Variants in NUDCD3 observed in about 807,000 individuals in gnomAD.
The protein encoded by NUDCD3 is NudC domain containing 3, also known as nudC domain-containing protein 3.
NUDCD3 carries 13 observed loss-of-function variants against 39.7 expected under a neutral mutation model. The ratio of observed to expected loss-of-function variants is 0.33; its 90% CI spans 0.21 to 0.52. NUDCD3 has a LOEUF of 0.52. NUDCD3 is among the 20% of genes least tolerant of loss of function. The probability of loss-of-function intolerance (pLI) is 0.96; values close to 1 mark genes in which losing one functional copy is unlikely to be tolerated. For synonymous variants in NUDCD3, 175 were observed against 172.4 expected (o/e 1.02, Z -0.12); for missense variants, 453 against 458.1 (o/e 0.99, Z 0.10).
intron 1 of NUDCD3, 154 bp downstream of exon 1, chr7:44,490,255 C>T: frequency 1.4e-6 from 1 of 712,420 alleles, no homozygotes; most frequent in Non-Finnish European, 2.2e-6. Context: ...ACATCCAATC[C>T]GCGCTTCAAA....
chr7:44,488,037 T>C (rs982207265), intron 1 of NUDCD3, among the ~76,000 whole-genome samples: 3 of 151,594 alleles, frequency 2.0e-5, no homozygotes, highest in Admixed American at 6.6e-5. Context: ...CAGGAATATG[T>C]GCTTTTAAAA....
Position 44,384,407 on chromosome 7 carries a change from T to C in NUDCD3, c.*1604A>G, listed in dbSNP as rs1482309899. On this transcript the variant is annotated 3_prime_UTR_variant, in exon 6 of 6. Coordinates refer to ENST00000355451, the MANE Select transcript of NUDCD3 (RefSeq NM_015332.4). The stretch of plus-strand genomic sequence containing the variant: ...CTTTAGAGGGGCTTCACCAGCTCAG[T>C]GGCAAATATCAGACAACAAGACTCT... The C allele has an allele frequency of 2.6e-5, 4 of 152,252 alleles. No individual in the cohort carries two copies. The highest frequency in any genetic ancestry group is 9.7e-5 in the African/African-American group (4 of 41,444). 9.4% of individuals were successfully genotyped at this position (152,252 alleles called of 1,614,324 possible).
chr7:44,490,633 A>G lies in NUDCD3; in HGVS notation c.-33T>C, dbSNP rs1800723191. ...CCCGCCCTAGGTACGCTTCACACAC[A>G]CAGCGCCGCCTCAGACCTGCCGACT... On this transcript the variant is annotated 5_prime_UTR_variant, in exon 1 of 6. Coordinates refer to ENST00000355451, the MANE Select transcript of NUDCD3 (RefSeq NM_015332.4). 1 of 1,564,804 alleles carries G rather than the reference A, an allele frequency of 6.4e-7. No homozygotes were observed. The highest frequency in any genetic ancestry group is 8.6e-7 in the Non-Finnish European group (1 of 1,156,414).
chr7:44,468,346 C>G, intron 2 of NUDCD3: 1 of 415,128 alleles, frequency 2.4e-6, no homozygotes, highest in Non-Finnish European at 3.6e-6. Context: ...AATGTAAAAA[C>G]TGCAAAAAAA....
chr7:44,461,310 G>A (rs537966496), intron 2 of NUDCD3, among the ~76,000 whole-genome samples: 14 of 152,292 alleles, frequency 9.2e-5, no homozygotes, highest in Admixed American at 5.2e-4. Context: ...TAAACTGTGA[G>A]CCCCTTGAGC....
intron 2 of NUDCD3, among the ~76,000 whole-genome samples, chr7:44,454,729 C>T (rs1400423177): frequency 6.6e-6 from 1 of 152,166 alleles, no homozygotes; most frequent in East Asian, 1.9e-4. Context: ...GAGTTCAAAA[C>T]CAGCCTGGGC....
intron 2 of NUDCD3, among the ~76,000 whole-genome samples, chr7:44,456,165 G>A (rs952165253): frequency 6.6e-5 from 10 of 151,054 alleles, no homozygotes; most frequent in Non-Finnish European, 1.0e-4. Flanking sequence ...GAACATAGCC[G>A]AGGAAGTCAT....
In NUDCD3 at chr7:44,384,124, G is replaced by A. The variant is rs950852288; in HGVS notation, c.*1887C>T. The A allele has an allele frequency of 6.6e-6, 1 of 152,220 alleles. No homozygotes were observed. Among genetic ancestry groups the A allele is most frequent in the Non-Finnish European group, 1.5e-5 (1 of 68,052 alleles). 9.4% of individuals were successfully genotyped at this position (152,220 alleles called of 1,614,324 possible). A position where few individuals can be genotyped will look rare whatever the true frequency, so the allele number is the denominator to read the frequency against. On this transcript the variant is annotated 3_prime_UTR_variant, in exon 6 of 6. Coordinates refer to ENST00000355451, the MANE Select transcript of NUDCD3 (RefSeq NM_015332.4). ...AAAGTCTCCCAAATAACAAGGTGTA[G>A]GGCATCTCACACCACTGCATCACTT...
At chr7:44,480,720 T>A (rs1316975218) in intron 2 of NUDCD3, among the ~76,000 whole-genome samples, 1 of 151,948 alleles carries the variant, frequency 6.6e-6, no homozygotes, top group East Asian at 1.9e-4. Context: ...GGCGAGTGGA[T>A]CACTTGAGCT....
chr7:44,436,322 A>C (rs1390621025), intron 2 of NUDCD3, among the ~76,000 whole-genome samples: 1 of 152,202 alleles, frequency 6.6e-6, no homozygotes, highest in African/African-American at 2.4e-5. Flanking sequence ...AGATGAAACA[A>C]CAACCATGTC....
intron 2 of NUDCD3, among the ~76,000 whole-genome samples, chr7:44,463,685 A>T (rs1255648218): frequency 6.6e-6 from 1 of 152,166 alleles, no homozygotes; most frequent in East Asian, 1.9e-4. Context: ...AAAAACTGGA[A>T]TCACTAAATT....
intron 1 of NUDCD3, 175 bp downstream of exon 1, chr7:44,490,233 CG>C (rs1195140109): frequency 3.2e-6 from 2 of 632,656 alleles, no homozygotes; most frequent in African/African-American, 1.9e-5. Context: ...AACACCTCAG[CG>C]GAATAAGCTG....
At chr7:44,444,882 A>G (rs573557786) in intron 2 of NUDCD3, among the ~76,000 whole-genome samples, 1 of 152,296 alleles carries the variant, frequency 6.6e-6, no homozygotes, top group South Asian at 2.1e-4. Context: ...TCCCAGCGAA[A>G]CATCTTGAGT....
At chr7:44,443,946 T>C (rs1251157727) in intron 2 of NUDCD3, among the ~76,000 whole-genome samples, 1 of 152,246 alleles carries the variant, frequency 6.6e-6, no homozygotes, top group African/African-American at 2.4e-5. Context: ...AGCAAAAATG[T>C]ACAACTGGAA....
intron 3 of NUDCD3, among the ~76,000 whole-genome samples, chr7:44,409,906 C>T (rs550439393): frequency 8.8e-4 from 134 of 152,032 alleles, no homozygotes; most frequent in Non-Finnish European, 1.5e-3. Flanking sequence ...GATAAGCGTT[C>T]ATGAAAGGGG....
intron 4 of NUDCD3, among the ~76,000 whole-genome samples, chr7:44,396,898 C>CT (rs1798635841): frequency 6.6e-6 from 1 of 152,148 alleles, no homozygotes; most frequent in Non-Finnish European, 1.5e-5. Flanking sequence ...TCAAAGACCT[C>CT]TATCTAAAAA....
chr7:44,489,219 G>A (rs969013439), intron 1 of NUDCD3, among the ~76,000 whole-genome samples: 1 of 152,204 alleles, frequency 6.6e-6, no homozygotes, highest in Admixed American at 6.5e-5. Context: ...CAAATGGCAA[G>A]ACTTCATTAA....
intron 2 of NUDCD3, among the ~76,000 whole-genome samples, chr7:44,484,187 G>A (rs1472894468): frequency 1.3e-5 from 2 of 152,208 alleles, no homozygotes; most frequent in Non-Finnish European, 2.9e-5. Context: ...AGGCCAGGAG[G>A]CTCGTGGCTG....
intron 2 of NUDCD3, among the ~76,000 whole-genome samples, chr7:44,448,774 CAGAA>C (rs1432514769): frequency 6.6e-6 from 1 of 151,936 alleles, no homozygotes; most frequent in African/African-American, 2.4e-5. Context: ...CAAAAGAATA[CAGAA>C]AGAGAGAGAG....
Sources: gnomAD v4.1 joint callset for allele counts (sites outside exome capture counted in the v4.1 genomes callset) on GRCh38, gnomAD v4.1.1 for gene constraint, MANE v1.5 for transcripts, NCBI Gene and HGNC (gene_info 2026-07-23, HGNC 2026-07-21) for gene names.